Variants in KCNIP4 observed in about 807,000 individuals in gnomAD.
The protein encoded by KCNIP4 is Kv channel-interacting protein 4.
A neutral mutation model predicts 34.0 loss-of-function variants in KCNIP4; 12 were observed. That is an observed-to-expected ratio of 0.35 (90% CI 0.23 to 0.57). KCNIP4 has a LOEUF of 0.57. Among genes scored for constraint, KCNIP4 ranks in the 20% least tolerant of loss-of-function variants. The pLI, the probability that KCNIP4 is intolerant of heterozygous loss-of-function variation, is 0.83. For missense variants in KCNIP4, 238 were observed against 311.7 expected (o/e 0.76, Z 1.78); for synonymous variants, 124 against 102.2 (o/e 1.21, Z -1.29).
intron 3 of KCNIP4, among the ~76,000 whole-genome samples, chr4:20,764,315 TCTTTAA>T (rs1226457309): frequency 3.9e-5 from 6 of 152,228 alleles, no homozygotes; most frequent in South Asian, 2.1e-4. Flanking sequence ...CATTTTATGT[TCTTTAA>T]CTTTAGGAAA....
chr4:20,955,809 T>C lies in KCNIP4; in HGVS notation c.62-73100A>G, dbSNP rs115593297. Reference sequence around the variant, plus strand: ...CAAATTATATGCCTAAATTCACACATCTATGGGATGGCATTCAGTTCTTTT... The same window carrying C: ...CAAATTATATGCCTAAATTCACACACCTATGGGATGGCATTCAGTTCTTTT... On this transcript the variant is annotated intron_variant, in intron 1 of 8. Coordinates refer to ENST00000382152, the MANE Select transcript of KCNIP4 (RefSeq NM_025221.6). Among the ~76,000 whole-genome samples, 585 of 152,296 alleles carry C rather than the reference T, an allele frequency of 3.8e-3. 1 individual carries two copies. Among genetic ancestry groups the C allele is most frequent in the African/African-American group, 0.013 (543 of 41,544 alleles).
rs1243463331 is a variant in KCNIP4, at chr4:21,250,958, TAC to T, written c.62-368251_62-368250del. 2.0e-5 allele frequency among the ~76,000 whole-genome samples: 3 copies of T among 151,734 alleles called. No individual in the cohort carries two copies. In the East Asian group the frequency reaches 5.8e-4, roughly 29 times the overall value. ...ATACATATACAAATATGTATATATC[TAC>T]ACTGTATCTCAGAAATTATCTACAA... On this transcript the variant is annotated intron_variant, in intron 1 of 8. Transcript: ENST00000382152.
chr4:21,148,956 T>C (rs1197506975), intron 1 of KCNIP4, among the ~76,000 whole-genome samples: 1 of 152,190 alleles, frequency 6.6e-6, no homozygotes, highest in Non-Finnish European at 1.5e-5. Context: ...TATACAGCAT[T>C]AAAAGATAAA....
chr4:21,434,855 T>A (rs1726812423), intron 1 of KCNIP4, among the ~76,000 whole-genome samples: 1 of 151,624 alleles, frequency 6.6e-6, no homozygotes. Flanking sequence ...TGAGTTCAAA[T>A]TCTGTGTCTA....
chr4:21,866,762 A>T (rs1167013930), intron 1 of KCNIP4, among the ~76,000 whole-genome samples: 55 of 82,700 alleles, frequency 6.7e-4, no homozygotes, highest in Admixed American at 1.7e-3. Flanking sequence ...TTCAGCCTGG[A>T]TTTTTTTTTT....
chr4:21,460,067 GCAAAAACCTA>G (rs1300488118), intron 1 of KCNIP4, among the ~76,000 whole-genome samples: 3 of 151,236 alleles, frequency 2.0e-5, no homozygotes, highest in Non-Finnish European at 4.4e-5. Context: ...CCACGATCTT[GCAAAAACCTA>G]CAAGGCCTTG....
At chr4:21,797,203 A>C (rs1197607208) in intron 1 of KCNIP4, among the ~76,000 whole-genome samples, 1 of 152,240 alleles carries the variant, frequency 6.6e-6, no homozygotes, top group Non-Finnish European at 1.5e-5. Context: ...ACTAAAGTGC[A>C]GTGGCGTGAT....
intron 1 of KCNIP4, among the ~76,000 whole-genome samples, chr4:21,632,503 G>A (rs1745837414): frequency 6.6e-6 from 1 of 152,200 alleles, no homozygotes; most frequent in Admixed American, 6.5e-5. Context: ...GGGATTACAG[G>A]CATGGGCCAT....
intron 1 of KCNIP4, among the ~76,000 whole-genome samples, chr4:21,537,096 G>A (rs1737237460): frequency 6.6e-6 from 1 of 152,028 alleles, no homozygotes. Context: ...TTTCCCTGTG[G>A]CCACACTTTA....
chr4:21,564,127 C>T (rs981713197), intron 1 of KCNIP4, among the ~76,000 whole-genome samples: 1 of 152,100 alleles, frequency 6.6e-6, no homozygotes, highest in African/African-American at 2.4e-5. Flanking sequence ...AACCACGGAT[C>T]TCCCCTACAT....
chr4:20,808,763 T>G lies in KCNIP4; in HGVS notation c.288+41780A>C, dbSNP rs937538347. Among the ~76,000 whole-genome samples, 3 of 152,286 alleles carry G rather than the reference T, an allele frequency of 2.0e-5. No individual in the cohort carries two copies. The East Asian group carries it at 5.8e-4, about 29-fold the overall frequency. On this transcript the variant is annotated intron_variant, in intron 3 of 8. Transcript: ENST00000382152. ...ATTAAAGGTCAACTATACTCTGGGT[T>G]CTATTAAATAGGTACACATGAAATT...
intron 1 of KCNIP4, among the ~76,000 whole-genome samples, chr4:21,623,377 C>T (rs1745112993): frequency 1.3e-5 from 2 of 152,102 alleles, no homozygotes; most frequent in South Asian, 2.1e-4. Context: ...CAGGAAAATG[C>T]CGTATTCATC....
intron 1 of KCNIP4, among the ~76,000 whole-genome samples, chr4:21,868,288 A>G (rs1210161317): frequency 6.6e-6 from 1 of 152,212 alleles, no homozygotes; most frequent in East Asian, 1.9e-4. Flanking sequence ...ATTTCCAATA[A>G]CCCAAAGTTA....
At chr4:21,710,373 G>A (rs1001691216) in intron 1 of KCNIP4, among the ~76,000 whole-genome samples, 8 of 152,092 alleles carry the variant, frequency 5.3e-5, no homozygotes, top group African/African-American at 1.7e-4. Context: ...CCCTGCCATC[G>A]TGGTGCATAG....
intron 1 of KCNIP4, among the ~76,000 whole-genome samples, chr4:21,878,926 T>C (rs924453062): frequency 1.3e-5 from 2 of 152,160 alleles, no homozygotes; most frequent in Non-Finnish European, 2.9e-5. Flanking sequence ...CCCTTGTGGG[T>C]CCGTGGCAAT....
intron 1 of KCNIP4, among the ~76,000 whole-genome samples, chr4:21,556,411 C>T (rs56285252): frequency 0.011 from 1,660 of 152,216 alleles, 36 homozygotes; most frequent in African/African-American, 0.038. Flanking sequence ...AGATGAACAA[C>T]AAAGTCAATG....
chr4:20,857,276 A>T (rs1560519264), intron 2 of KCNIP4, among the ~76,000 whole-genome samples: 1 of 152,124 alleles, frequency 6.6e-6, no homozygotes, highest in Non-Finnish European at 1.5e-5. Flanking sequence ...GAGGCAAACT[A>T]TGGGGAGCAC....
At chr4:21,699,924 A>T (rs28455666) in intron 1 of KCNIP4, among the ~76,000 whole-genome samples, 4 of 152,118 alleles carry the variant, frequency 2.6e-5, no homozygotes, top group Non-Finnish European at 4.4e-5. Flanking sequence ...CAGGTGAGAA[A>T]CAATGGTGGC....
intron 1 of KCNIP4, among the ~76,000 whole-genome samples, chr4:21,414,178 G>A (rs1724751023): frequency 6.6e-6 from 1 of 152,086 alleles, no homozygotes; most frequent in Admixed American, 6.6e-5. Context: ...AGTACTAGAG[G>A]TGGTTTTATT....
Sources: allele counts gnomAD v4.1 joint callset (sites outside exome capture counted in the v4.1 genomes callset), GRCh38; gene constraint gnomAD v4.1.1; transcripts MANE v1.5; gene names NCBI Gene and HGNC (gene_info 2026-07-23, HGNC 2026-07-21).